ITFG1: variants seen among roughly 807,000 people sequenced by gnomAD.
ITFG1 encodes integrin alpha FG-GAP repeat containing 1, also known as T-cell immunomodulatory protein.
A neutral mutation model predicts 81.8 loss-of-function variants in ITFG1; 34 were observed. The ratio of observed to expected loss-of-function variants is 0.42; its 90% CI spans 0.32 to 0.55. ITFG1 has a LOEUF of 0.55. Ranked by LOEUF, ITFG1 falls within the 20% of genes least tolerant of loss-of-function variation. The pLI, the probability that ITFG1 is intolerant of heterozygous loss-of-function variation, is 0.17. For synonymous variants in ITFG1, 285 were observed against 270.6 expected (o/e 1.05, Z -0.52); for missense variants, 672 against 755.4 (o/e 0.89, Z 1.29).
intron 12 of ITFG1, among the ~76,000 whole-genome samples, chr16:47,242,001 G>A (rs1209849646): frequency 6.6e-6 from 1 of 151,720 alleles, no homozygotes; most frequent in Non-Finnish European, 1.5e-5. Flanking sequence ...AATAGGTACA[G>A]GGTTTCTTTC....
chr16:47,423,832 C>T (rs1013318530), intron 6 of ITFG1, among the ~76,000 whole-genome samples: 1 of 151,052 alleles, frequency 6.6e-6, no homozygotes, highest in Non-Finnish European at 1.5e-5. Flanking sequence ...TGTGGGTAAC[C>T]CGACCTTTCT....
chr16:47,195,091 T>C (rs1965341520), intron 14 of ITFG1, among the ~76,000 whole-genome samples: 1 of 152,210 alleles, frequency 6.6e-6, no homozygotes, highest in Non-Finnish European at 1.5e-5. Flanking sequence ...CATCTTTTTT[T>C]CACTTGCTCC....
intron 5 of ITFG1, among the ~76,000 whole-genome samples, chr16:47,431,777 CATTAAT>C (rs1350811591): frequency 2.0e-5 from 3 of 152,092 alleles, no homozygotes; most frequent in Non-Finnish European, 2.9e-5. Context: ...ATTCAGTTTC[CATTAAT>C]ATTAACATCT....
intron 10 of ITFG1, among the ~76,000 whole-genome samples, chr16:47,306,216 C>T (rs1967156184): frequency 6.6e-6 from 1 of 150,932 alleles, no homozygotes; most frequent in Non-Finnish European, 1.5e-5. Flanking sequence ...TTGAATAATC[C>T]AAAAAAAGGC....
chr16:47,399,316 G>A (rs1193514010), intron 6 of ITFG1, among the ~76,000 whole-genome samples: 6 of 152,336 alleles, frequency 3.9e-5, no homozygotes, highest in East Asian at 1.9e-4. Context: ...GCTTACGCCT[G>A]TAATCCCAGC....
chr16:47,258,850 T>C (rs958781545), intron 11 of ITFG1, 110 bp from the exon 12 acceptor site: 69 of 510,630 alleles, frequency 1.4e-4, no homozygotes, highest in African/African-American at 1.2e-3. Flanking sequence ...TAGCCTTATT[T>C]ATTCATCCTC....
At chr16:47,270,789 A>C (rs530609053) in intron 10 of ITFG1, among the ~76,000 whole-genome samples, 1 of 152,360 alleles carries the variant, frequency 6.6e-6, no homozygotes, top group South Asian at 2.1e-4. Context: ...ATGCAGCGTA[A>C]GAAAACCCAG....
chr16:47,412,441 A>G (rs1000919458), intron 6 of ITFG1, among the ~76,000 whole-genome samples: 2 of 152,116 alleles, frequency 1.3e-5, no homozygotes, highest in African/African-American at 2.4e-5. Flanking sequence ...AATTCACTAC[A>G]AAGGCTGGGC....
chr16:47,200,707 C>T (rs1010598747), intron 14 of ITFG1, among the ~76,000 whole-genome samples: 9 of 152,096 alleles, frequency 5.9e-5, no homozygotes, highest in Non-Finnish European at 1.3e-4. Context: ...TTCTCAGGCT[C>T]TTTGGACTCC....
chr16:47,383,337 A>G (rs1224444834), intron 6 of ITFG1, among the ~76,000 whole-genome samples: 1 of 152,206 alleles, frequency 6.6e-6, no homozygotes, highest in African/African-American at 2.4e-5. Flanking sequence ...TAAATTTTAG[A>G]ATTATATTTG....
intron 8 of ITFG1, among the ~76,000 whole-genome samples, chr16:47,323,016 G>A (rs1166659001): frequency 1.3e-5 from 2 of 151,808 alleles, no homozygotes; most frequent in African/African-American, 2.4e-5. Context: ...ATAATTGCCA[G>A]GCTTCAATAT....
chr16:47,162,556 C>T lies in ITFG1; in HGVS notation c.1562G>A (p.Arg521His), dbSNP rs758393141. ...FLDHLYVGIPRPSGEKSIRKQ... is the reference protein window; with the variant it reads ...FLDHLYVGIPHPSGEKSIRKQ... ...TTTACTCACTTTTTCTCCAGATGGA[C>T]GGGGAATACCAACGTAGAGATGGTC... Residue 521 changes from arginine to histidine, a missense_variant, in exon 15 of 18, where the codon CGT becomes CAT. This residue lies in a region of ITFG1 where 560 missense variants were observed against 625.7 expected (regional missense o/e 0.90). Coordinates refer to ENST00000320640, the MANE Select transcript of ITFG1 (RefSeq NM_030790.5). 1.7e-5 allele frequency: 27 copies of T among 1,601,752 alleles called. No homozygotes were observed. Among genetic ancestry groups the T allele is most frequent in the East Asian group, 2.3e-5 (1 of 44,432 alleles).
At chr16:47,443,449 G>A (rs1397300940) in intron 5 of ITFG1, among the ~76,000 whole-genome samples, 2 of 152,122 alleles carry the variant, frequency 1.3e-5, no homozygotes, top group South Asian at 2.1e-4. Flanking sequence ...ACATGCACAC[G>A]TATGTTTATT....
chr16:47,190,958 T>C (rs1411582214), intron 14 of ITFG1, among the ~76,000 whole-genome samples: 2 of 152,092 alleles, frequency 1.3e-5, no homozygotes, highest in Non-Finnish European at 2.9e-5. Flanking sequence ...CTGGCTTTTT[T>C]CACATGCTAT....
At chr16:47,309,784 T>A (rs1967228216) in intron 10 of ITFG1, among the ~76,000 whole-genome samples, 1 of 152,250 alleles carries the variant, frequency 6.6e-6, no homozygotes, top group Non-Finnish European at 1.5e-5. Context: ...CCATCTGTAT[T>A]GCTGAATGGC....
At chr16:47,456,500 G>A (rs557187671) in intron 2 of ITFG1, among the ~76,000 whole-genome samples, 35 of 152,108 alleles carry the variant, frequency 2.3e-4, no homozygotes, top group East Asian at 7.8e-4. Flanking sequence ...ACACCAGCCC[G>A]GGCAACACGG....
chr16:47,375,605 T>C (rs946840799), intron 7 of ITFG1, among the ~76,000 whole-genome samples: 3 of 152,224 alleles, frequency 2.0e-5, no homozygotes, highest in African/African-American at 7.2e-5. Flanking sequence ...GCTGACAGCA[T>C]AGCAGGGGTC....
At chr16:47,220,562 A>G (rs1567427265) in intron 13 of ITFG1, among the ~76,000 whole-genome samples, 1 of 152,252 alleles carries the variant, frequency 6.6e-6, no homozygotes, top group Non-Finnish European at 1.5e-5. Context: ...TGTGAGCCTG[A>G]TATCTTCCCA....
intron 12 of ITFG1, among the ~76,000 whole-genome samples, chr16:47,254,406 A>AT (rs1466219993): frequency 1.5e-4 from 23 of 152,120 alleles, no homozygotes; most frequent in African/African-American, 5.5e-4. Flanking sequence ...TATTATTATT[A>AT]CAACTGGGAA....
Sources: allele counts gnomAD v4.1 joint callset (sites outside exome capture counted in the v4.1 genomes callset), GRCh38; gene constraint gnomAD v4.1.1; regional missense constraint gnomAD v4.1.1; transcripts MANE v1.5; gene names NCBI Gene and HGNC (gene_info 2026-07-23, HGNC 2026-07-21).